NCKAP5: variants seen among roughly 807,000 people sequenced by gnomAD.
NCKAP5 encodes the protein nck-associated protein 5.
In NCKAP5, 92 loss-of-function variants were observed where a neutral mutation model predicts 167.0. The observed-to-expected ratio is 0.55, with a 90% CI of 0.47 to 0.66. NCKAP5 has a LOEUF of 0.66. Among genes scored for constraint, NCKAP5 ranks in the 30% least tolerant of loss-of-function variants. The probability of loss-of-function intolerance (pLI) is 0.00; values close to 1 mark genes in which losing one functional copy is unlikely to be tolerated. For synonymous variants in NCKAP5, 891 were observed against 877.4 expected (o/e 1.02, Z -0.27); for missense variants, 2,378 against 2,315.0 (o/e 1.03, Z -0.56).
chr2:133,362,748 T>TTTGTTGGTG (rs1685196350), intron 3 of NCKAP5, among the ~76,000 whole-genome samples: 1 of 151,166 alleles, frequency 6.6e-6, no homozygotes, highest in Non-Finnish European at 1.5e-5. Context: ...CATGTATTTC[T>TTTGTTGGTG]TTGTTGTTGT....
the NCKAP5 span, among the ~76,000 whole-genome samples, chr2:133,603,960 G>A: frequency 6.6e-6 from 1 of 152,218 alleles, no homozygotes; most frequent in Admixed American, 6.5e-5. Flanking sequence ...GTACTCTCAG[G>A]GGCCGGGAAA....
rs563971123 is a variant in NCKAP5, at chr2:133,100,156, A to G, written c.341+29822T>C. Among the ~76,000 whole-genome samples, 4 of 152,344 alleles carry G rather than the reference A, an allele frequency of 2.6e-5. No homozygotes were observed. In the South Asian group the frequency reaches 8.3e-4, roughly 32 times the overall value. On this transcript the variant is annotated intron_variant, in intron 6 of 19. Coordinates refer to ENST00000409261, the MANE Select transcript of NCKAP5 (RefSeq NM_207363.3). The stretch of plus-strand genomic sequence containing the variant: ...GGGGATACGTCAATAACTTCCTTCA[A>G]ATAATCTACAAGCATTTCAAGTACA...
intron 8 of NCKAP5, among the ~76,000 whole-genome samples, chr2:132,936,686 C>A (rs1696874195): frequency 6.6e-6 from 1 of 152,200 alleles, no homozygotes; most frequent in East Asian, 1.9e-4. Context: ...ATTTAGAAGA[C>A]TACATACACA....
chr2:133,444,882 T>C (rs1488688036), intron 3 of NCKAP5, among the ~76,000 whole-genome samples: 2 of 152,226 alleles, frequency 1.3e-5, no homozygotes, highest in African/African-American at 4.8e-5. Context: ...CTCATTGTGA[T>C]TCTCCTGTGG....
intron 5 of NCKAP5, among the ~76,000 whole-genome samples, chr2:133,200,242 A>C (rs1474025897): frequency 6.6e-6 from 1 of 151,804 alleles, no homozygotes; most frequent in Non-Finnish European, 1.5e-5. Context: ...TACTACAGTA[A>C]CCTAGAGAGT....
At chr2:133,559,232 C>T (rs1448756773) in intron 1 of NCKAP5, 115 bp from the exon 2 acceptor site, 1 of 152,096 alleles carries the variant, frequency 6.6e-6, no homozygotes, top group Non-Finnish European at 1.5e-5. Context: ...TTAATAATAA[C>T]GTCTATCTCA....
At chr2:132,817,881 G>A (rs189209128) in intron 11 of NCKAP5, among the ~76,000 whole-genome samples, 130 of 152,234 alleles carry the variant, frequency 8.5e-4, no homozygotes, top group Non-Finnish European at 1.3e-3. Flanking sequence ...AGAAATGGTC[G>A]GGAATGACAT....
At chr2:133,291,238 G>C (rs151005509) in intron 4 of NCKAP5, among the ~76,000 whole-genome samples, 85 of 152,292 alleles carry the variant, frequency 5.6e-4, no homozygotes, top group African/African-American at 2.0e-3. Context: ...TGGTCTTACA[G>C]GTTAAAGATG....
chr2:132,982,389 T>C (rs1016958600), intron 7 of NCKAP5, among the ~76,000 whole-genome samples: 3 of 152,176 alleles, frequency 2.0e-5, no homozygotes, highest in Non-Finnish European at 4.4e-5. Context: ...CAGGTCTGCC[T>C]CTCCCTGAAA....
chr2:133,141,295 C>A (rs2149838358), intron 5 of NCKAP5, among the ~76,000 whole-genome samples: 1 of 152,024 alleles, frequency 6.6e-6, no homozygotes, highest in East Asian at 1.9e-4. Context: ...AATTTAATTT[C>A]TGAGAAGATG....
At chr2:133,518,344 ATTTTTTTTTTTTTTT>A (rs751025050) in intron 2 of NCKAP5, among the ~76,000 whole-genome samples, 2 of 74,616 alleles carry the variant, frequency 2.7e-5, no homozygotes, top group South Asian at 6.7e-4. Flanking sequence ...ACAGTAAAGG[ATTTTTTTTTTTTTTT>A]TTTTTTTTTT....
chr2:133,027,601 A>T (rs1393195487), intron 6 of NCKAP5, among the ~76,000 whole-genome samples: 1 of 152,188 alleles, frequency 6.6e-6, no homozygotes, highest in Non-Finnish European at 1.5e-5. Context: ...AAGGGTATAT[A>T]GGGAGTTGTA....
At chr2:132,885,515 C>T (rs1046640441) in intron 8 of NCKAP5, among the ~76,000 whole-genome samples, 2 of 152,188 alleles carry the variant, frequency 1.3e-5, no homozygotes, top group South Asian at 2.1e-4. Context: ...TCCTGCTCAG[C>T]GTGGTTTCCC....
At chr2:133,540,933 C>CAAAAA (rs10666328) in intron 2 of NCKAP5, among the ~76,000 whole-genome samples, 10 of 99,900 alleles carry the variant, frequency 1.0e-4, no homozygotes, top group East Asian at 5.1e-4. Context: ...GACTCTGTCT[C>CAAAAA]AAAAAAAAAA....
intron 8 of NCKAP5, among the ~76,000 whole-genome samples, chr2:132,908,191 A>G (rs1288513758): frequency 2.0e-5 from 3 of 149,194 alleles, no homozygotes; most frequent in African/African-American, 7.4e-5. Context: ...TACACAAAAC[A>G]TTTTTTTTTT....
the NCKAP5 span, among the ~76,000 whole-genome samples, chr2:133,665,823 C>A: frequency 6.6e-6 from 1 of 152,154 alleles, no homozygotes; most frequent in African/African-American, 2.4e-5. Context: ...CACTATTTTT[C>A]AAAATCACTA....
chr2:133,402,081 T>C (rs1049272156), intron 3 of NCKAP5, among the ~76,000 whole-genome samples: 1 of 152,132 alleles, frequency 6.6e-6, no homozygotes, highest in Non-Finnish European at 1.5e-5. Flanking sequence ...TCTTCCTAAA[T>C]TAATAATCTC....
chr2:133,547,557 T>A (rs1327646032), intron 2 of NCKAP5, among the ~76,000 whole-genome samples: 1 of 151,832 alleles, frequency 6.6e-6, no homozygotes. Context: ...CCTCCTCAAG[T>A]GGGTCCCTGA....
chr2:133,261,458 T>G (rs1428888091), intron 4 of NCKAP5, among the ~76,000 whole-genome samples: 3 of 152,254 alleles, frequency 2.0e-5, no homozygotes, highest in African/African-American at 7.2e-5. Context: ...TTTGAAAAGG[T>G]CCAAAGATAT....
Sources: allele counts gnomAD v4.1 joint callset (sites outside exome capture counted in the v4.1 genomes callset), GRCh38; gene constraint gnomAD v4.1.1; transcripts MANE v1.5; gene names NCBI Gene and HGNC (gene_info 2026-07-23, HGNC 2026-07-21).